DNAH8: variants seen among roughly 807,000 people sequenced by gnomAD.
DNAH8 encodes the protein dynein axonemal heavy chain 8, also known as axonemal beta dynein heavy chain 8.
DNAH8 carries 382 observed loss-of-function variants against 562.1 expected under a neutral mutation model. The observed-to-expected ratio is 0.68, with a 90% confidence interval of 0.63 to 0.74. The LOEUF is 0.74. DNAH8 is among the 30% of genes least tolerant of loss of function. The probability of loss-of-function intolerance (pLI) is 0.00; values close to 1 mark genes in which losing one functional copy is unlikely to be tolerated. For missense variants in DNAH8, 5,203 were observed against 5,620.4 expected (o/e 0.93, Z 2.37); for synonymous variants, 1,881 against 1,919.4 (o/e 0.98, Z 0.52).
At chr6:38,925,575 T>C (rs1489092851) in intron 73 of DNAH8, among the ~76,000 whole-genome samples, 4 of 152,060 alleles carry the variant, frequency 2.6e-5, no homozygotes, top group Non-Finnish European at 5.9e-5. Context: ...AAAAGTGTCA[T>C]TGATGAGCTC....
intron 86 of DNAH8, among the ~76,000 whole-genome samples, chr6:38,983,241 A>G (rs114122740): frequency 0.012 from 1,764 of 152,348 alleles, 30 homozygotes; most frequent in African/African-American, 0.039. Flanking sequence ...CACAGTACAC[A>G]GTACCTAATA....
chr6:38,928,213 T>C (rs1323476820), intron 74 of DNAH8: 1 of 152,196 alleles, frequency 6.6e-6, no homozygotes, highest in Non-Finnish European at 1.5e-5. Flanking sequence ...AAATAGTGTT[T>C]CACAAGAAAA....
At chr6:38,783,246 GT>G in intron 17 of DNAH8, 107 bp downstream of exon 17, 1 of 946,394 alleles carries the variant, frequency 1.1e-6, no homozygotes, top group Non-Finnish European at 1.6e-6. Flanking sequence ...TCTTAGGATA[GT>G]TACAATTTAG....
intron 13 of DNAH8, among the ~76,000 whole-genome samples, chr6:38,776,429 G>C (rs1030042951): frequency 6.6e-6 from 1 of 152,084 alleles, no homozygotes; most frequent in African/African-American, 2.4e-5. Context: ...TGTTGGCCAG[G>C]CTGGTCTTGA....
chr6:38,881,021 T>C (rs1184445485), intron 53 of DNAH8, among the ~76,000 whole-genome samples: 2 of 152,060 alleles, frequency 1.3e-5, no homozygotes, highest in African/African-American at 4.8e-5. Flanking sequence ...AGGCAGACCT[T>C]GCTTCAAAAA....
intron 88 of DNAH8, among the ~76,000 whole-genome samples, chr6:39,002,218 C>T (rs17421805): frequency 0.14 from 21,073 of 152,212 alleles, 1,667 homozygotes; most frequent in Middle Eastern, 0.2. Context: ...TTTCGTGGCT[C>T]TCTGTAAGAT....
chr6:38,814,149 C>G lies in DNAH8; in HGVS notation c.3333+20C>G, dbSNP rs778878099. 3 of 1,346,222 alleles carry G rather than the reference C, an allele frequency of 2.2e-6. No homozygotes were observed. The highest frequency in any genetic ancestry group is 1.8e-5 in the Admixed American group (1 of 56,348). 83.4% of individuals were successfully genotyped at this position (1,346,222 alleles called of 1,614,324 possible). ...AATGTGGTAAGTATTATTAAATACA[C>G]TGATAATTTGATAAGGTGCTTAAGA... is the stretch of plus-strand genomic sequence containing the variant. On this transcript the variant is annotated intron_variant, in intron 25 of 92. Coordinates refer to ENST00000327475, the MANE Select transcript of DNAH8 (RefSeq NM_001206927.2).
intron 85 of DNAH8, among the ~76,000 whole-genome samples, chr6:38,976,420 G>A (rs1537230): frequency 0.24 from 36,675 of 152,182 alleles, 5,519 homozygotes; most frequent in Non-Finnish European, 0.34. Flanking sequence ...GGGAATTTTA[G>A]ACATATGTTT....
chr6:38,935,806 C>G, intron 77 of DNAH8, 109 bp downstream of exon 77: 1 of 763,442 alleles, frequency 1.3e-6, no homozygotes, highest in Non-Finnish European at 2.0e-6. Context: ...CTCATGTTAT[C>G]AATGCAAAAA....
intron 8 of DNAH8, among the ~76,000 whole-genome samples, chr6:38,743,007 C>CTTTTTTTTTTTTTT (rs11340457): frequency 1.9e-5 from 1 of 52,004 alleles, no homozygotes; most frequent in African/African-American, 1.1e-4. Flanking sequence ...TGTTGTTGTG[C>CTTTTTTTTTTTTTT]TTTTTTTTTT....
intron 7 of DNAH8, 89 bp downstream of exon 7, chr6:38,738,061 G>GGT: frequency 7.4e-7 from 1 of 1,358,336 alleles, no homozygotes; most frequent in Non-Finnish European, 1.0e-6. Flanking sequence ...AAAGGGAAGA[G>GGT]GTGTCTCCTT....
At chr6:38,851,336 G>A (rs182886288) in intron 38 of DNAH8, among the ~76,000 whole-genome samples, 3 of 152,306 alleles carry the variant, frequency 2.0e-5, no homozygotes, top group African/African-American at 7.2e-5. Context: ...TGATGAGAAA[G>A]GAGAGGACAG....
intron 76 of DNAH8, among the ~76,000 whole-genome samples, chr6:38,934,466 A>T (rs934457606): frequency 2.6e-5 from 4 of 152,172 alleles, no homozygotes; most frequent in African/African-American, 9.7e-5. Flanking sequence ...ATGGCTTTTG[A>T]TTGACTGGTT....
At position 38,926,160 on chromosome 6, in the gene DNAH8, A is replaced by G; in HGVS notation, c.11068A>G (p.Thr3690Ala). ...ATACCCACTCCTCATAGACCCACAA[A>G]CTCAAGGCAAAACTTGGATTAAATC... is the stretch of plus-strand genomic sequence containing the variant. ...TRYPLLIDPQ[T>A]QGKTWIKSKE... is the part of the protein sequence containing the mutation. The change falls in exon 74 of 93, where the codon ACT becomes GCT. Residue 3690 changes from threonine (T) to alanine (A), a missense_variant. This residue lies in a region of DNAH8 where 1,399 missense variants were observed against 1,518.4 expected (regional missense o/e 0.92). Coordinates refer to ENST00000327475, the MANE Select transcript of DNAH8 (RefSeq NM_001206927.2). 3 of 1,613,770 alleles carry G rather than the reference A, an allele frequency of 1.9e-6. No individual in the cohort carries two copies. The highest frequency in any genetic ancestry group is 2.2e-5 in the South Asian group (2 of 91,070).
intron 85 of DNAH8, among the ~76,000 whole-genome samples, chr6:38,981,365 C>T (rs1764025155): frequency 2.0e-5 from 3 of 152,170 alleles, no homozygotes; most frequent in Admixed American, 2.0e-4. Flanking sequence ...TTAAAATGCT[C>T]TCTGGAATAT....
At chr6:38,974,860 T>C (rs1763573738) in intron 85 of DNAH8, among the ~76,000 whole-genome samples, 1 of 152,186 alleles carries the variant, frequency 6.6e-6, no homozygotes, top group Non-Finnish European at 1.5e-5. Context: ...TAATGGATTA[T>C]AAAGATAGGA....
chr6:38,865,264 C>T (rs1056146726), intron 45 of DNAH8, among the ~76,000 whole-genome samples: 1 of 152,110 alleles, frequency 6.6e-6, no homozygotes, highest in Non-Finnish European at 1.5e-5. Flanking sequence ...TTCTGATACA[C>T]TTTATTGTAA....
intron 24 of DNAH8, 44 bp from the exon 25 acceptor site, chr6:38,814,010 A>G (rs373745085): frequency 3.5e-5 from 48 of 1,370,364 alleles, no homozygotes; most frequent in Non-Finnish European, 5.0e-5. Context: ...TAACAATGAA[A>G]TTTTAGGGTA....
intron 77 of DNAH8, among the ~76,000 whole-genome samples, chr6:38,936,948 T>C (rs1193139736): frequency 1.3e-5 from 2 of 152,146 alleles, no homozygotes; most frequent in African/African-American, 4.8e-5. Context: ...ACATCCAAGG[T>C]GTCTTTCCTT....
Sources: gnomAD v4.1 joint callset for allele counts (sites outside exome capture counted in the v4.1 genomes callset) on GRCh38, gnomAD v4.1.1 for gene constraint, gnomAD v4.1.1 regional missense constraint, MANE v1.5 for transcripts, NCBI Gene and HGNC (gene_info 2026-07-23, HGNC 2026-07-21) for gene names.